The following NRG2 variants were observed in gnomAD, a reference collection of about 807,000 sequenced individuals.
The protein encoded by NRG2 is neuregulin 2, also known as pro-neuregulin-2, membrane-bound isoform.
In NRG2, 27 loss-of-function variants were observed where a neutral mutation model predicts 73.9. The ratio of observed to expected loss-of-function variants is 0.37; its 90% CI spans 0.27 to 0.50. NRG2 has a LOEUF of 0.50. NRG2 is among the 20% of genes least tolerant of loss of function. NRG2 has a pLI of 0.96. For missense variants in NRG2, 1,126 were observed against 1,210.1 expected (o/e 0.93, Z 1.03); for synonymous variants, 532 against 541.0 (o/e 0.98, Z 0.23).
Position 139,848,605 on chromosome 5 carries a change from G to T in NRG2, c.1865C>A (p.Ser622Tyr). 1.9e-6 allele frequency: 3 copies of T among 1,576,908 alleles called. No individual in the cohort carries two copies. Among genetic ancestry groups the T allele is most frequent in the Non-Finnish European group, 2.6e-6 (3 of 1,171,266 alleles). The change falls in exon 10 of 10, where the codon TCC (serine) becomes TAC (tyrosine). Residue 622 changes from serine (S) to tyrosine (Y), a missense_variant. Transcript: ENST00000361474. ...ATQVPTFEIT[S>Y]PNSAHAVSLP... ...CGACACGGCGTGCGCCGAGTTGGGG[G>T]ACGTGATCTCGAAAGTTGGCACCTG...
At chr5:140,004,905 T>C (rs975642) in intron 1 of NRG2, among the ~76,000 whole-genome samples, 72,567 of 152,090 alleles carry the variant, frequency 0.48, 17,665 homozygotes, top group South Asian at 0.61. Context: ...GGGTGAGGTT[T>C]GTACAGAAAC....
At chr5:139,944,550 T>C (rs1753661245) in intron 1 of NRG2, among the ~76,000 whole-genome samples, 1 of 152,176 alleles carries the variant, frequency 6.6e-6, no homozygotes, top group African/African-American at 2.4e-5. Context: ...TAACACAATG[T>C]CCTCCAGTTC....
At position 139,847,945 on chromosome 5, in the gene NRG2, C is replaced by G; in HGVS notation, c.2525G>C (p.Arg842Pro). ...GAGTGGCGCCGAGTCCTGCTTGGCC[C>G]GCGGGGGCGGCCCGCGGCTGTGTCT... is the stretch of plus-strand genomic sequence containing the variant. ...SSRHSRGPPP[R>P]AKQDSAPL The change falls in exon 10 of 10, where the codon CGG (arginine) becomes CCG (proline). Residue 842 changes from arginine (R) to proline (P), a missense_variant. Transcript: ENST00000361474. 6.7e-7 allele frequency: 1 copy of G among 1,501,670 alleles called. No homozygotes were observed. Among genetic ancestry groups the G allele is most frequent in the Non-Finnish European group, 8.8e-7 (1 of 1,130,752 alleles). 93.0% of individuals were successfully genotyped at this position (1,501,670 alleles called of 1,614,324 possible).
At position 139,855,761 on chromosome 5, in the gene NRG2, G is replaced by C; in HGVS notation, c.1207C>G (p.Gln403Glu). Reference protein sequence around the residue: ...DPKQKAEELYQKRVLTITGIC... With the variant: ...DPKQKAEELYEKRVLTITGIC... The stretch of plus-strand genomic sequence containing the variant: ...CCCGTGATGGTCAGGACCCTCTTCT[G>C]GTACAGCTCCTCGGCTTCTGCAGAG... Residue 403 changes from glutamine (Q) to glutamate (E), a missense_variant, in exon 6 of 10, where the codon CAG becomes GAG. This residue lies in a region of NRG2 where 539 missense variants were observed against 703.2 expected (regional missense o/e 0.77). Transcript: ENST00000361474. 2.5e-6 allele frequency: 4 copies of C among 1,614,034 alleles called. No homozygotes were observed. Among genetic ancestry groups the C allele is most frequent in the Non-Finnish European group, 3.4e-6 (4 of 1,179,934 alleles).
At position 139,848,716 on chromosome 5, in the gene NRG2, G is replaced by T. The variant is rs776521399; in HGVS notation, c.1773-19C>A. On this transcript the variant is annotated intron_variant, in intron 9 of 9. Coordinates refer to ENST00000361474, the MANE Select transcript of NRG2 (RefSeq NM_004883.3). The stretch of plus-strand genomic sequence containing the variant: ...CACGTACCTGCGGGGAGAGGCAGAG[G>T]CATGGGCCAGGGCCAGGCCGGGCCG... 7.8e-5 allele frequency: 116 copies of T among 1,492,436 alleles called. No individual in the cohort carries two copies. The East Asian group carries it at 3.2e-3, about 42-fold the overall frequency. 92.4% of individuals were successfully genotyped at this position (1,492,436 alleles called of 1,614,324 possible).
rs1441405912 is a variant in NRG2, at chr5:139,848,171, T to C, written c.2299A>G (p.Ser767Gly). 5 of 1,426,594 alleles carry C rather than the reference T, an allele frequency of 3.5e-6. No homozygotes were observed. Among genetic ancestry groups the C allele is most frequent in the Admixed American group, 2.9e-5 (1 of 33,960 alleles). 88.4% of individuals were successfully genotyped at this position (1,426,594 alleles called of 1,614,324 possible). ...GAGGCTGAGCCGCCGCCCGAGCCGC[T>C]GCTCAGCGACAGCGAGTCCCTCGCC... ...RAARDSLSLS[S>G]GSGGGSASAS... Residue 767 changes from serine to glycine, a missense_variant, in exon 10 of 10, where the codon AGC (serine) becomes GGC (glycine). Coordinates refer to ENST00000361474, the MANE Select transcript of NRG2 (RefSeq NM_004883.3).
chr5:139,910,463 C>T (rs890583335), intron 1 of NRG2, among the ~76,000 whole-genome samples: 15 of 152,192 alleles, frequency 9.9e-5, no homozygotes, highest in African/African-American at 3.4e-4. Flanking sequence ...CCTCCACAGA[C>T]TGTGACGTTC....
chr5:139,884,135 G>T (rs576743158), intron 2 of NRG2, among the ~76,000 whole-genome samples: 3 of 152,010 alleles, frequency 2.0e-5, no homozygotes, highest in African/African-American at 4.8e-5. Flanking sequence ...AGCGGAGAAG[G>T]GGGTATCTGG....
intron 1 of NRG2, among the ~76,000 whole-genome samples, chr5:139,937,987 G>C (rs946436614): frequency 6.6e-6 from 1 of 152,216 alleles, no homozygotes; most frequent in Non-Finnish European, 1.5e-5. Flanking sequence ...GATAAGGCAG[G>C]AGGATTGCTT....
At chr5:139,974,082 G>A (rs1348662528) in intron 1 of NRG2, among the ~76,000 whole-genome samples, 1 of 151,940 alleles carries the variant, frequency 6.6e-6, no homozygotes, top group Non-Finnish European at 1.5e-5. Context: ...AAAACTAGGA[G>A]CCACTTACAA....
chr5:139,955,195 G>A (rs575741454), intron 1 of NRG2, among the ~76,000 whole-genome samples: 40 of 152,252 alleles, frequency 2.6e-4, no homozygotes, highest in African/African-American at 6.3e-4. Context: ...CTTAGGGTAC[G>A]TACACTTCAA....
Position 139,865,678 on chromosome 5 carries a change from G to T in NRG2, c.1113-53C>A. The T allele has an allele frequency of 6.7e-7, 1 of 1,483,438 alleles. No individual in the cohort carries two copies. The highest frequency in any genetic ancestry group is 9.3e-7 in the Non-Finnish European group (1 of 1,076,714). The allele number at this position is 1,483,438 out of a possible 1,614,324, so 91.9% of individuals were successfully genotyped here. A position where few individuals can be genotyped will look rare whatever the true frequency, so the allele number is the denominator to read the frequency against. ...AGAACAAACTGGCATCATCCGCGAG[G>T]CTAAGGTTAGAAATCAAAGTGCACA... On this transcript the variant is annotated intron_variant, in intron 4 of 9. Transcript: ENST00000361474. The surrounding 1 kb of genome is among the most constrained non-coding windows in gnomAD (Gnocchi z 5.2).
chr5:140,026,848 T>C (rs992905121), intron 1 of NRG2, among the ~76,000 whole-genome samples: 1 of 152,162 alleles, frequency 6.6e-6, no homozygotes, highest in South Asian at 2.1e-4. Flanking sequence ...GTCCTAAACA[T>C]AACAGGGTAT....
chr5:140,008,679 T>A lies in NRG2; in HGVS notation c.700+33691A>T, dbSNP rs184087069. On this transcript the variant is annotated intron_variant, in intron 1 of 9. Coordinates refer to ENST00000361474, the MANE Select transcript of NRG2 (RefSeq NM_004883.3). This position sits in a 1 kb window ranked among gnomAD's most constrained non-coding sequence, Gnocchi z 4.2. ...AAATGCCAACTTAAAACCTAGAATA[T>A]AAGAGAATGCTTATTTATCCCTCTC... is the stretch of plus-strand genomic sequence containing the variant. Among the ~76,000 whole-genome samples the A allele has an allele frequency of 2.5e-4, 38 of 152,266 alleles. No homozygotes were observed. Among genetic ancestry groups the A allele is most frequent in the African/African-American group, 7.9e-4 (33 of 41,554 alleles).
rs1561776143 is a variant in NRG2, at chr5:140,042,977, C to T, written c.93G>A (p.Glu31=). Residue 31 remains glutamate (E), a synonymous_variant, in exon 1 of 10, where the codon GAG becomes GAA. Coordinates refer to ENST00000361474, the MANE Select transcript of NRG2 (RefSeq NM_004883.3). ...TGCTGCTGCTGCTGCTGCTGCTCCT[C>T]TCGCTGCTGCTGCTGCTGCTGTCGC... ...SYSDSSSSSS[E]RSSSSSSSSS... 2 of 1,548,182 alleles carry T rather than the reference C, an allele frequency of 1.3e-6. No individual in the cohort carries two copies. Among genetic ancestry groups the T allele is most frequent in the South Asian group, 1.2e-5 (1 of 85,198 alleles).
At chr5:139,891,018 TA>T (rs1170933228) in intron 1 of NRG2, among the ~76,000 whole-genome samples, 1 of 152,198 alleles carries the variant, frequency 6.6e-6, no homozygotes, top group African/African-American at 2.4e-5. Flanking sequence ...TATCAGGTGC[TA>T]AAGTTTCCCC....
chr5:140,041,182 G>C (rs750739150), intron 1 of NRG2, among the ~76,000 whole-genome samples: 1 of 152,098 alleles, frequency 6.6e-6, no homozygotes, highest in Non-Finnish European at 1.5e-5. Flanking sequence ...TGGTAAAACT[G>C]GTAAACATAC....
chr5:139,918,239 C>T (rs1199327827), intron 1 of NRG2, among the ~76,000 whole-genome samples: 1 of 152,058 alleles, frequency 6.6e-6, no homozygotes, highest in Non-Finnish European at 1.5e-5. Flanking sequence ...TCGGATAGAA[C>T]TAGTCTAGGC....
chr5:140,015,517 A>T (rs1167692311), intron 1 of NRG2, among the ~76,000 whole-genome samples: 1 of 152,202 alleles, frequency 6.6e-6, no homozygotes, highest in Admixed American at 6.5e-5. Flanking sequence ...CGGAGATTCC[A>T]TAAGTGTTGG....
Sources: allele counts gnomAD v4.1 joint callset (sites outside exome capture counted in the v4.1 genomes callset), GRCh38; gene constraint gnomAD v4.1.1; regional missense constraint gnomAD v4.1.1; non-coding constraint Gnocchi (gnomAD v3.1); transcripts MANE v1.5; gene names NCBI Gene and HGNC (gene_info 2026-07-23, HGNC 2026-07-21).